MED23: variants seen among roughly 807,000 people sequenced by gnomAD.
MED23 encodes mediator of RNA polymerase II transcription subunit 23.
Under a neutral mutation model 163.9 loss-of-function variants are expected in MED23, and 105 were observed. The ratio of observed to expected loss-of-function variants is 0.64; its 90% CI spans 0.55 to 0.75. The LOEUF is 0.75. Ranked by LOEUF, MED23 falls within the 30% of genes least tolerant of loss-of-function variation. MED23 has a pLI of 0.00. For synonymous variants in MED23, 561 were observed against 565.6 expected (o/e 0.99, Z 0.12); for missense variants, 1,054 against 1,649.0 (o/e 0.64, Z 6.25).
Position 131,615,993 on chromosome 6 carries a change from C to G in MED23, c.790G>C (p.Glu264Gln). ...GLLPYDKDLF[E>Q]PQTALLRYVL... ...TATCTCAACAAAGCAGTCTGTGGTTCAAACAGATCCTTTAAAGAAAATAAG... is the reference window on the plus strand; with the variant it reads ...TATCTCAACAAAGCAGTCTGTGGTTGAAACAGATCCTTTAAAGAAAATAAG... Residue 264 changes from glutamate (E) to glutamine (Q), a missense_variant, in exon 10 of 29, where the codon GAA becomes CAA. By Grantham distance (29) the Glu-to-Gln change is conservative (BLOSUM62 2). Transcript: ENST00000368068. 1 of 1,611,382 alleles carries G rather than the reference C, an allele frequency of 6.2e-7. No individual in the cohort carries two copies. The highest frequency in any genetic ancestry group is 8.5e-7 in the Non-Finnish European group (1 of 1,177,776).
In MED23 at chr6:131,623,386, G is replaced by A. The variant is rs766946027; in HGVS notation, c.361C>T (p.Leu121=). ...RTQLWALTFK[L]VRKIIGGVDY... ...ACTCCCCCAATTATTTTCCGAACCA[G>A]TTTAAATGTTAAGGCCCAAAGCTGT... Residue 121 remains leucine (L), a synonymous_variant, in exon 5 of 29, where the codon CTG becomes TTG. Transcript: ENST00000368068. The A allele has an allele frequency of 1.5e-5, 25 of 1,613,932 alleles. No homozygotes were observed. In the South Asian group the frequency reaches 2.6e-4, roughly 17 times the overall value.
chr6:131,605,335 C>T lies in MED23; in HGVS notation c.1518G>A (p.Arg506=). The change falls in exon 14 of 29, where the codon AGG becomes AGA. Residue 506 remains arginine, a synonymous_variant. Transcript: ENST00000368068. ...VETIYGNGIM[R]IPLPGTNCMA... ...TACAGTTTGTTCCAGGGAGAGGTAT[C>T]CTCATAATTCCATTTCCATAAATAG... 6.2e-7 allele frequency: 1 copy of T among 1,613,348 alleles called. No homozygotes were observed. The highest frequency in any genetic ancestry group is 8.5e-7 in the Non-Finnish European group (1 of 1,179,544).
At chr6:131,582,834 C>A, downstream of MED23, 1 of 854,660 alleles carries the variant, frequency 1.2e-6, no homozygotes, top group Non-Finnish European at 2.0e-6. Context: ...CACACACATG[C>A]CCACACACAT....
Position 131,598,611 on chromosome 6 carries a change from A to G in MED23, c.2371T>C (p.Cys791Arg), listed in dbSNP as rs1204584670. 6.2e-7 allele frequency: 1 copy of G among 1,614,080 alleles called. No individual in the cohort carries two copies. Among genetic ancestry groups the G allele is most frequent in the African/African-American group, 1.3e-5 (1 of 74,940 alleles). The part of the protein sequence containing the change: ...SMQGSPPLFL[C>R]LLWKMLLETD... ...TCCAAGAGCATTTTCCAGAGAAGACAAAGAAAGAGAGGAGGGGAGCCCTGC... is the reference window on the plus strand; with the variant it reads ...TCCAAGAGCATTTTCCAGAGAAGACGAAGAAAGAGAGGAGGGGAGCCCTGC... The change falls in exon 19 of 29, where the codon TGT (cysteine) becomes CGT (arginine). Residue 791 changes from cysteine (C) to arginine (R), a missense_variant. Physicochemically the swap from Cys to Arg is radical, Grantham distance 180. Coordinates refer to ENST00000368068, the MANE Select transcript of MED23 (RefSeq NM_004830.4). The surrounding 1 kb of genome is among the most constrained non-coding windows in gnomAD (Gnocchi z 4.7).
intron 24 of MED23, 180 bp from the exon 25 acceptor site, chr6:131,592,640 G>T (rs1018033880): frequency 4.7e-6 from 3 of 632,594 alleles, no homozygotes; most frequent in Non-Finnish European, 8.3e-6. Flanking sequence ...ACTCAAGAAG[G>T]CTTTTTAAAA....
chr6:131,626,496 A>C (rs1012671256), intron 3 of MED23, among the ~76,000 whole-genome samples: 21 of 152,208 alleles, frequency 1.4e-4, no homozygotes, highest in African/African-American at 4.8e-4. Flanking sequence ...GGAGAAAAAA[A>C]GTGCTAATTA....
chr6:131,612,429 A>G (rs1776346514), intron 10 of MED23, among the ~76,000 whole-genome samples: 1 of 152,086 alleles, frequency 6.6e-6, no homozygotes, highest in South Asian at 2.1e-4. Flanking sequence ...TACAAAGTGG[A>G]ACAAACATTT....
At chr6:131,602,084 A>G (rs1775527365) in intron 17 of MED23, 134 bp downstream of exon 17, 1 of 944,272 alleles carries the variant, frequency 1.1e-6, no homozygotes, top group Admixed American at 2.0e-5. Context: ...TGAAATAGTG[A>G]AGATATCAAA....
chr6:131,580,224 G>C (rs1298565699), intron 30 of MED23, among the ~76,000 whole-genome samples: 1 of 152,108 alleles, frequency 6.6e-6, no homozygotes, highest in African/African-American at 2.4e-5. Flanking sequence ...CTCTTCTAAA[G>C]CCAAACTGTC....
chr6:131,580,713 A>C (rs942156351), intron 30 of MED23, among the ~76,000 whole-genome samples: 4 of 152,160 alleles, frequency 2.6e-5, no homozygotes, highest in Non-Finnish European at 5.9e-5. Flanking sequence ...GAAGAACTTG[A>C]GTAAGAACAT....
At chr6:131,616,322 A>G (rs1776688310) in intron 9 of MED23, among the ~76,000 whole-genome samples, 1 of 152,138 alleles carries the variant, frequency 6.6e-6, no homozygotes. Context: ...AAAACGCAGA[A>G]GGTTTAAATT....
chr6:131,614,160 A>G (rs1776482460), intron 10 of MED23, among the ~76,000 whole-genome samples: 1 of 152,212 alleles, frequency 6.6e-6, no homozygotes, highest in Non-Finnish European at 1.5e-5. Context: ...CAGATACTCT[A>G]GTGTGAAGCA....
rs1296928651 is a variant in MED23 at position 131,607,955 on chromosome 6, G to A, written c.1194C>T (p.Leu398=). The change falls in exon 12 of 29, where the codon CTC becomes CTT. Residue 398 remains leucine, a synonymous_variant. Coordinates refer to ENST00000368068, the MANE Select transcript of MED23 (RefSeq NM_004830.4). ...CTTTTTCTGGGTATAGCAAGTCGAA[G>A]AGCTTCATCACAGGGAGAAAATCAG... ...ALADFLPVMK[L]FDLLYPEKEY... 2 of 1,613,726 alleles carry A rather than the reference G, an allele frequency of 1.2e-6. No individual in the cohort carries two copies. The highest frequency in any genetic ancestry group is 1.1e-5 in the South Asian group (1 of 91,082).
downstream of MED23, chr6:131,583,398 G>T (rs764273304): frequency 6.2e-7 from 1 of 1,614,146 alleles, no homozygotes; most frequent in Admixed American, 1.7e-5. Context: ...TGACGGACTG[G>T]ACCCATCTTT....
At chr6:131,614,218 C>A (rs1406997620) in intron 10 of MED23, among the ~76,000 whole-genome samples, 2 of 152,042 alleles carry the variant, frequency 1.3e-5, no homozygotes, top group Non-Finnish European at 2.9e-5. Flanking sequence ...GGAAACTTGG[C>A]AAATTTTTCA....
chr6:131,618,552 T>C (rs1776858283), intron 8 of MED23, 33 bp from the exon 9 acceptor site: 5 of 1,353,698 alleles, frequency 3.7e-6, no homozygotes, highest in Middle Eastern at 3.6e-4. Context: ...TTTAAGTAAA[T>C]GTGAACACAG....
At chr6:131,589,405 T>C (rs1774422448) in intron 28 of MED23, 60 bp downstream of exon 28, 1 of 1,488,848 alleles carries the variant, frequency 6.7e-7, no homozygotes, top group Non-Finnish European at 9.2e-7. Flanking sequence ...AGTCTATTAC[T>C]ATATGTTCAA....
At chr6:131,599,480 C>T (rs1775308043) in intron 18 of MED23, among the ~76,000 whole-genome samples, 1 of 152,118 alleles carries the variant, frequency 6.6e-6, no homozygotes. Flanking sequence ...CTGTGAAGCT[C>T]CATTACGTTA....
At chr6:131,585,448 A>G (rs1774143822), downstream of MED23, among the ~76,000 whole-genome samples, 1 of 152,266 alleles carries the variant, frequency 6.6e-6, no homozygotes, top group Non-Finnish European at 1.5e-5. Flanking sequence ...TAGGCCTTTG[A>G]AAGATAAACA....
Sources: allele counts gnomAD v4.1 joint callset (sites outside exome capture counted in the v4.1 genomes callset), GRCh38; gene constraint gnomAD v4.1.1; non-coding constraint Gnocchi (gnomAD v3.1); transcripts MANE v1.5; gene names NCBI Gene and HGNC (gene_info 2026-07-23, HGNC 2026-07-21).